Variants in PVALB observed in about 807,000 individuals in gnomAD.
PVALB encodes the protein parvalbumin alpha.
In PVALB, 11 loss-of-function variants were observed where a neutral mutation model predicts 10.9. The observed-to-expected ratio is 1.01, with a 90% CI of 0.63 to 1.67. The LOEUF (loss-of-function observed/expected upper bound fraction) is 1.67, where lower values mean the gene tolerates loss of function less well. Ranked by LOEUF, PVALB falls within the 40% of genes most tolerant of loss-of-function variation. The pLI is 0.00. For missense variants in PVALB, 131 were observed against 136.2 expected (o/e 0.96, Z 0.19); for synonymous variants, 57 against 50.7 (o/e 1.12, Z -0.53).
At chr22:36,802,759 T>C (rs1938889319) in intron 3 of PVALB, among the ~76,000 whole-genome samples, 1 of 151,968 alleles carries the variant, frequency 6.6e-6, no homozygotes, top group South Asian at 2.1e-4. Context: ...ATAGGAAAAG[T>C]GGGTGACCTG....
At chr22:36,817,180 C>A (rs1015903239), upstream of PVALB, 5 of 498,284 alleles carry the variant, frequency 1.0e-5, no homozygotes, top group Non-Finnish European at 1.3e-5. Context: ...TCAGTCCAGC[C>A]GCGCCGCTGA....
chr22:36,813,815 G>A (rs779307091), intron 2 of PVALB, 60 bp from the exon 3 acceptor site: 23 of 1,274,288 alleles, frequency 1.8e-5, no homozygotes, highest in Non-Finnish European at 6.9e-6. Flanking sequence ...CTTGCAGGAC[G>A]CTGGATGGAG....
upstream of PVALB, among the ~76,000 whole-genome samples, chr22:36,818,032 C>T (rs867533244): frequency 1.7e-4 from 26 of 152,214 alleles, no homozygotes; most frequent in Middle Eastern, 0.014. Context: ...GCCAGAGACC[C>T]GTTGTGTTCT....
intron 3 of PVALB, among the ~76,000 whole-genome samples, chr22:36,810,323 G>A (rs758508479): frequency 6.6e-5 from 10 of 152,222 alleles, no homozygotes; most frequent in Non-Finnish European, 1.5e-4. Context: ...TGACAGCAAA[G>A]CAGAGTATCT....
rs781676278 is a variant in PVALB, at chr22:36,817,022, C to G, written c.-17G>C. The G allele has an allele frequency of 6.2e-7, 1 of 1,605,824 alleles. No homozygotes were observed. Among genetic ancestry groups the G allele is most frequent in the African/African-American group, 1.3e-5 (1 of 74,112 alleles). ...CATCGACATCCTGCAACTGTTTGAGCGGGCAGAGCAAGTGCGAAAAGATTA... is the reference window on the plus strand; with the variant it reads ...CATCGACATCCTGCAACTGTTTGAGGGGGCAGAGCAAGTGCGAAAAGATTA... On this transcript the variant is annotated 5_prime_UTR_variant, in exon 1 of 4. Transcript: ENST00000417718.
intron 3 of PVALB, among the ~76,000 whole-genome samples, chr22:36,807,643 G>A (rs1276710571): frequency 6.6e-6 from 1 of 152,168 alleles, no homozygotes; most frequent in East Asian, 1.9e-4. Context: ...CAACAGCCCT[G>A]TAAGGTGTGT....
At chr22:36,811,338 T>C (rs1000801775) in intron 3 of PVALB, 4 of 233,556 alleles carry the variant, frequency 1.7e-5, no homozygotes, top group Non-Finnish European at 2.6e-5. Flanking sequence ...TTATTGAGCA[T>C]TTGTTATGTG....
intron 3 of PVALB, among the ~76,000 whole-genome samples, chr22:36,810,239 C>T (rs1939025665): frequency 1.3e-5 from 2 of 152,162 alleles, no homozygotes; most frequent in Admixed American, 6.5e-5. Flanking sequence ...TGGGACATGC[C>T]CCAGATCCCG....
chr22:36,816,116 AG>A (rs1745084655), intron 1 of PVALB, among the ~76,000 whole-genome samples: 1 of 151,790 alleles, frequency 6.6e-6, no homozygotes, highest in South Asian at 2.1e-4. Flanking sequence ...CCCTCAGCAC[AG>A]GGCTAGAGAC....
intron 3 of PVALB, among the ~76,000 whole-genome samples, chr22:36,806,711 G>A (rs1938955748): frequency 6.6e-6 from 1 of 152,174 alleles, no homozygotes; most frequent in East Asian, 1.9e-4. Context: ...ACAGCCACAA[G>A]GAGGCCGCGT....
chr22:36,818,751 A>G (rs1240474021), upstream of PVALB: 1 of 152,348 alleles, frequency 6.6e-6, no homozygotes, highest in African/African-American at 2.4e-5. Flanking sequence ...ACGGAGGCAC[A>G]GAGTCCGTGA....
At chr22:36,811,353 G>A in intron 3 of PVALB, 1 of 356,542 alleles carries the variant, frequency 2.8e-6, no homozygotes, top group South Asian at 2.2e-5. Context: ...TATGTGCTGG[G>A]CACTACAGGC....
intron 3 of PVALB, among the ~76,000 whole-genome samples, chr22:36,804,201 G>A (rs776632861): frequency 2.0e-5 from 3 of 152,168 alleles, no homozygotes; most frequent in Non-Finnish European, 4.4e-5. Flanking sequence ...GCTGCTCATC[G>A]GTAAATAGCC....
At chr22:36,813,616 A>G (rs957164178) in intron 3 of PVALB, 30 bp downstream of exon 3, 1 of 1,547,510 alleles carries the variant, frequency 6.5e-7, no homozygotes, top group African/African-American at 1.4e-5. Context: ...GATCCACAAT[A>G]TGCCCAGACC....
upstream of PVALB, chr22:36,817,115 C>T: frequency 9.5e-7 from 1 of 1,050,888 alleles, no homozygotes; most frequent in Admixed American, 2.8e-5. Flanking sequence ...GGGCGCACGC[C>T]CGCCGGGCCT....
intron 3 of PVALB, among the ~76,000 whole-genome samples, chr22:36,804,096 T>C (rs1417408844): frequency 6.6e-6 from 1 of 152,204 alleles, no homozygotes; most frequent in Non-Finnish European, 1.5e-5. Context: ...CACCGCCTGC[T>C]CATGGAGAGA....
rs112346656 is a variant in PVALB, at chr22:36,811,945, C to A, written c.304+1701G>T. ...CAGCTGGCATCAGATGGCCAGGGGA[C>A]CCCCTGCATTTGACCTGGATAGGGA... is the stretch of plus-strand genomic sequence containing the variant. On this transcript the variant is annotated intron_variant, in intron 3 of 3. Transcript: ENST00000417718. 8.8e-3 allele frequency among the ~76,000 whole-genome samples: 1,344 copies of A among 152,256 alleles called. 20 individuals are homozygous for A. Among genetic ancestry groups the A allele is most frequent in the African/African-American group, 0.03 (1,236 of 41,538 alleles).
At chr22:36,814,953 G>C (rs1332964646) in intron 2 of PVALB, 150 bp downstream of exon 2, 1 of 1,034,796 alleles carries the variant, frequency 9.7e-7, no homozygotes, top group Non-Finnish European at 1.4e-6. Flanking sequence ...CTGGTGCCCT[G>C]GGTCGGAGCC....
At chr22:36,811,530 A>G in intron 3 of PVALB, 1 of 464,678 alleles carries the variant, frequency 2.2e-6, no homozygotes, top group African/African-American at 2.0e-5. Flanking sequence ...TGGATCTGTT[A>G]GAAGAGTTTA....
Sources: allele counts gnomAD v4.1 joint callset (sites outside exome capture counted in the v4.1 genomes callset), GRCh38; gene constraint gnomAD v4.1.1; transcripts MANE v1.5; gene names NCBI Gene and HGNC (gene_info 2026-07-23, HGNC 2026-07-21).